The following PTCHD4 variants were observed in gnomAD, a reference collection of about 807,000 sequenced individuals.
PTCHD4 encodes patched domain containing 4.
PTCHD4 carries 33 observed loss-of-function variants against 58.1 expected under a neutral mutation model. The ratio of observed to expected loss-of-function variants is 0.57; its 90% CI spans 0.43 to 0.76. The LOEUF is 0.76. Ranked by LOEUF, PTCHD4 falls within the 30% of genes least tolerant of loss-of-function variation. The probability of loss-of-function intolerance (pLI) is 0.00; values close to 1 mark genes in which losing one functional copy is unlikely to be tolerated. For missense variants in PTCHD4, 1,058 were observed against 1,027.1 expected, an observed-to-expected ratio of 1.03 and a Z score of -0.41; for synonymous variants, 478 against 409.6, an observed-to-expected ratio of 1.17 and a Z score of -2.02.
Position 47,864,676 on chromosome 6 carries a change from G to T in PTCHD4, c.*13627C>A, listed in dbSNP as rs1763510865. Among the ~76,000 whole-genome samples, 2 of 82,998 alleles carry T rather than the reference G, an allele frequency of 2.4e-5. No individual in the cohort carries two copies. The highest frequency in any genetic ancestry group is 8.1e-4 in the South Asian group (2 of 2,468). 54.4% of individuals were successfully genotyped at this position (82,998 alleles called of 152,430 possible). A position where few individuals can be genotyped will look rare whatever the true frequency, so the allele number is the denominator to read the frequency against. ...TGCTTCCTCATCCTCACGTATTTTA[G>T]TTCTATGACTGTAGAAGAATACAAA... On this transcript the variant is annotated 3_prime_UTR_variant, in exon 5 of 5. Transcript: ENST00000339488.
chr6:48,083,121 A>G (rs943518196), intron 1 of PTCHD4, among the ~76,000 whole-genome samples: 19 of 150,458 alleles, frequency 1.3e-4, no homozygotes, highest in African/African-American at 4.4e-4. Flanking sequence ...TCTTCCAGAA[A>G]GTCTGCATAT....
Position 47,869,870 on chromosome 6 carries a change from C to T in PTCHD4, c.*8433G>A, listed in dbSNP as rs1055011119. The stretch of plus-strand genomic sequence containing the variant: ...GCCTAGAATTAAAAGGTAGCATGCT[C>T]GAAGTTCTCACTGAGGTTAGAGGAA... On this transcript the variant is annotated 3_prime_UTR_variant, in exon 5 of 5. Transcript: ENST00000339488. 6.6e-6 allele frequency among the ~76,000 whole-genome samples: 1 copy of T among 151,432 alleles called. No individual in the cohort carries two copies. The highest frequency in any genetic ancestry group is 2.4e-5 in the African/African-American group (1 of 41,320).
intron 4 of PTCHD4, among the ~76,000 whole-genome samples, chr6:47,946,252 C>G (rs968411203): frequency 3.3e-5 from 5 of 152,032 alleles, no homozygotes; most frequent in Non-Finnish European, 7.4e-5. Flanking sequence ...ATTATTACTG[C>G]TTTTTTTCTG....
chr6:48,063,105 G>T (rs1265764776), intron 3 of PTCHD4, among the ~76,000 whole-genome samples: 2 of 152,052 alleles, frequency 1.3e-5, no homozygotes, highest in Non-Finnish European at 2.9e-5. Context: ...TTGAAGCCAG[G>T]AATACTCAAG....
At chr6:47,964,323 A>ATT (rs111950870) in intron 4 of PTCHD4, among the ~76,000 whole-genome samples, 4 of 151,520 alleles carry the variant, frequency 2.6e-5, no homozygotes, top group Middle Eastern at 3.4e-3. Context: ...TTATTACCAC[A>ATT]TTTTTTTTTA....
chr6:48,035,088 G>A (rs540624929), intron 3 of PTCHD4, among the ~76,000 whole-genome samples: 27 of 152,084 alleles, frequency 1.8e-4, no homozygotes, highest in South Asian at 4.1e-4. Context: ...TTACTTTTGC[G>A]CTGAAATTAT....
At chr6:48,050,253 A>C (rs1404458337) in intron 3 of PTCHD4, among the ~76,000 whole-genome samples, 1 of 152,006 alleles carries the variant, frequency 6.6e-6, no homozygotes, top group East Asian at 1.9e-4. Context: ...AATTGAACTT[A>C]ATAAAACTGA....
chr6:47,972,656 T>C (rs1033287293), intron 4 of PTCHD4, among the ~76,000 whole-genome samples: 4 of 152,012 alleles, frequency 2.6e-5, no homozygotes, highest in Admixed American at 2.6e-4. Flanking sequence ...TTTAATATGC[T>C]CTGTATCAAT....
At chr6:47,923,217 A>C in intron 4 of PTCHD4, among the ~76,000 whole-genome samples, 1 of 152,338 alleles carries the variant, frequency 6.6e-6, no homozygotes, top group East Asian at 1.9e-4. Flanking sequence ...TATAAAAGAG[A>C]AAATCAAAAT....
chr6:48,005,400 G>C (rs559750768), intron 4 of PTCHD4, among the ~76,000 whole-genome samples: 1 of 152,300 alleles, frequency 6.6e-6, no homozygotes, highest in African/African-American at 2.4e-5. Flanking sequence ...TTTACTAGAA[G>C]AGTTGGGCTT....
chr6:47,941,940 T>G (rs1472191617), intron 4 of PTCHD4, among the ~76,000 whole-genome samples: 3 of 152,234 alleles, frequency 2.0e-5, no homozygotes, highest in Admixed American at 2.0e-4. Context: ...CTTCAAGCAT[T>G]ACTAGAATGT....
chr6:47,991,681 G>T (rs1171379635), intron 4 of PTCHD4, among the ~76,000 whole-genome samples: 1 of 151,932 alleles, frequency 6.6e-6, no homozygotes, highest in Non-Finnish European at 1.5e-5. Flanking sequence ...ATGTAAGTCG[G>T]GAGGAAGTCT....
chr6:48,110,244 G>A (rs953900512), intron 1 of PTCHD4, among the ~76,000 whole-genome samples: 4 of 152,042 alleles, frequency 2.6e-5, no homozygotes, highest in Non-Finnish European at 5.9e-5. Context: ...TTTAAAATGT[G>A]GTATGTGTAT....
chr6:47,965,557 A>G (rs1339459633), intron 4 of PTCHD4, among the ~76,000 whole-genome samples: 5 of 152,218 alleles, frequency 3.3e-5, no homozygotes, highest in Non-Finnish European at 7.3e-5. Context: ...GGGGCCTATT[A>G]TCTGTAAATT....
intron 4 of PTCHD4, among the ~76,000 whole-genome samples, chr6:47,890,027 A>G (rs1173908393): frequency 6.6e-6 from 1 of 151,868 alleles, no homozygotes; most frequent in Non-Finnish European, 1.5e-5. Flanking sequence ...GATCCAGTGT[A>G]TGTGTGTATA....
At chr6:48,011,814 A>G (rs1043353220) in intron 3 of PTCHD4, among the ~76,000 whole-genome samples, 1 of 152,124 alleles carries the variant, frequency 6.6e-6, no homozygotes, top group East Asian at 1.9e-4. Flanking sequence ...TCCCAGCATC[A>G]TTTATTAAAT....
At chr6:47,951,589 A>T (rs1766654998) in intron 4 of PTCHD4, among the ~76,000 whole-genome samples, 1 of 152,178 alleles carries the variant, frequency 6.6e-6, no homozygotes, top group Non-Finnish European at 1.5e-5. Context: ...TTTACTGAAT[A>T]ACTGAAGACA....
chr6:48,067,874 A>G (rs1562036634), intron 3 of PTCHD4, among the ~76,000 whole-genome samples: 1 of 151,174 alleles, frequency 6.6e-6, no homozygotes, highest in Non-Finnish European at 1.5e-5. Flanking sequence ...ATTTCTTAAT[A>G]TCTAGTCATA....
intron 4 of PTCHD4, among the ~76,000 whole-genome samples, chr6:47,927,655 A>G (rs891630170): frequency 6.6e-6 from 1 of 152,150 alleles, no homozygotes; most frequent in African/African-American, 2.4e-5. Context: ...TATCTGGGTC[A>G]TCTCTTCCAG....
Sources: gnomAD v4.1 joint callset for allele counts (sites outside exome capture counted in the v4.1 genomes callset) on GRCh38, gnomAD v4.1.1 for gene constraint, MANE v1.5 for transcripts, NCBI Gene and HGNC (gene_info 2026-07-23, HGNC 2026-07-21) for gene names.